DYNC1I1: variants seen among roughly 807,000 people sequenced by gnomAD.
DYNC1I1 encodes dynein cytoplasmic 1 intermediate chain 1.
A neutral mutation model predicts 86.6 loss-of-function variants in DYNC1I1; 43 were observed. That is an observed-to-expected ratio of 0.50 (90% CI 0.39 to 0.64). The LOEUF (loss-of-function observed/expected upper bound fraction) is 0.64. Among genes scored for constraint, DYNC1I1 ranks in the 30% least tolerant of loss-of-function variants. The pLI, the probability that DYNC1I1 is intolerant of heterozygous loss-of-function variation, is 0.00. For missense variants in DYNC1I1, 604 were observed against 788.8 expected (o/e 0.77, Z 2.81); for synonymous variants, 262 against 283.7 (o/e 0.92, Z 0.77).
At chr7:96,063,021 G>A (rs758765904) in intron 14 of DYNC1I1, among the ~76,000 whole-genome samples, 8 of 151,880 alleles carry the variant, frequency 5.3e-5, no homozygotes, top group Non-Finnish European at 7.4e-5. Flanking sequence ...AGAACTATGA[G>A]TATGACTTAA....
intron 4 of DYNC1I1, chr7:95,818,747 A>G (rs1584250832): frequency 2.4e-6 from 1 of 418,842 alleles, no homozygotes; most frequent in East Asian, 3.3e-5. Flanking sequence ...TGTTTCCACC[A>G]CCAGAGTAGC....
chr7:95,877,318 A>G (rs939467529), intron 6 of DYNC1I1, among the ~76,000 whole-genome samples: 3 of 152,216 alleles, frequency 2.0e-5, no homozygotes, highest in Admixed American at 1.3e-4. Flanking sequence ...ATGGGACCCC[A>G]ACTGTCTTCT....
At chr7:96,023,431 C>T (rs1402062148) in intron 10 of DYNC1I1, among the ~76,000 whole-genome samples, 2 of 152,120 alleles carry the variant, frequency 1.3e-5, no homozygotes, top group Non-Finnish European at 2.9e-5. Flanking sequence ...CAGGAATGAC[C>T]AAAGGTTGTT....
At chr7:95,985,011 C>T (rs746524561) in intron 8 of DYNC1I1, 34 bp downstream of exon 8, 7 of 1,596,828 alleles carry the variant, frequency 4.4e-6, no homozygotes, top group South Asian at 2.3e-5. Context: ...TAAAAAATAG[C>T]GTAAGTTATC....
At chr7:95,962,529 A>G (rs1284352346) in intron 6 of DYNC1I1, among the ~76,000 whole-genome samples, 2 of 152,046 alleles carry the variant, frequency 1.3e-5, no homozygotes, top group Non-Finnish European at 1.5e-5. Flanking sequence ...GGGCCACTGG[A>G]CACCAAGAAG....
At chr7:96,053,590 G>A (rs1789470606) in intron 14 of DYNC1I1, among the ~76,000 whole-genome samples, 1 of 151,626 alleles carries the variant, frequency 6.6e-6, no homozygotes, top group Non-Finnish European at 1.5e-5. Flanking sequence ...TCTTGAAAGG[G>A]ATTTAAAAGT....
At chr7:95,961,030 A>T in intron 6 of DYNC1I1, among the ~76,000 whole-genome samples, 1 of 152,262 alleles carries the variant, frequency 6.6e-6, no homozygotes, top group Non-Finnish European at 1.5e-5. Flanking sequence ...GTATAATCTA[A>T]TGATGTCATG....
intron 14 of DYNC1I1, among the ~76,000 whole-genome samples, chr7:96,072,196 G>A (rs193198669): frequency 4.7e-4 from 71 of 152,258 alleles, no homozygotes; most frequent in Non-Finnish European, 6.3e-4. Context: ...GTGACCGGTA[G>A]CCCGCTTCTC....
intron 16 of DYNC1I1, among the ~76,000 whole-genome samples, chr7:96,095,874 G>C (rs1790988433): frequency 6.6e-6 from 1 of 152,220 alleles, no homozygotes; most frequent in South Asian, 2.1e-4. Context: ...AGAGTCCAAA[G>C]TAGGGAAAAC....
chr7:96,048,658 G>A (rs982564201), intron 14 of DYNC1I1, among the ~76,000 whole-genome samples: 2 of 152,184 alleles, frequency 1.3e-5, no homozygotes, highest in Non-Finnish European at 2.9e-5. Flanking sequence ...GGGCAGTTCA[G>A]TTACATTGAG....
At chr7:95,805,651 A>G (rs1375332443) in intron 2 of DYNC1I1, among the ~76,000 whole-genome samples, 1 of 152,164 alleles carries the variant, frequency 6.6e-6, no homozygotes, top group Admixed American at 6.6e-5. Flanking sequence ...CAAACAAATA[A>G]TTTATTTTTA....
At chr7:95,780,130 A>G (rs765527477) in intron 1 of DYNC1I1, among the ~76,000 whole-genome samples, 11 of 152,228 alleles carry the variant, frequency 7.2e-5, no homozygotes, top group Non-Finnish European at 1.6e-4. Context: ...TACCAGGTTT[A>G]TATTTTATTC....
At chr7:95,816,403 C>T (rs1431037800) in intron 4 of DYNC1I1, among the ~76,000 whole-genome samples, 2 of 152,254 alleles carry the variant, frequency 1.3e-5, no homozygotes, top group East Asian at 1.9e-4. Flanking sequence ...TTCAGTTATA[C>T]TAATGATTTA....
At chr7:95,773,756 G>A (rs1467768054) in intron 1 of DYNC1I1, among the ~76,000 whole-genome samples, 2 of 152,132 alleles carry the variant, frequency 1.3e-5, no homozygotes, top group African/African-American at 2.4e-5. Flanking sequence ...TTCCAGATTA[G>A]CAAAAAGTAT....
intron 1 of DYNC1I1, among the ~76,000 whole-genome samples, chr7:95,783,744 A>G (rs1392469615): frequency 6.6e-6 from 1 of 152,144 alleles, no homozygotes; most frequent in Non-Finnish European, 1.5e-5. Context: ...AAAAAATGTG[A>G]TTATGATTAA....
chr7:95,789,075 T>C (rs1036511480), intron 1 of DYNC1I1, among the ~76,000 whole-genome samples: 1 of 152,214 alleles, frequency 6.6e-6, no homozygotes, highest in East Asian at 1.9e-4. Context: ...TAAAAAGTCT[T>C]GAATTTAAAA....
At chr7:96,043,024 G>A (rs530015150) in intron 14 of DYNC1I1, among the ~76,000 whole-genome samples, 2 of 151,892 alleles carry the variant, frequency 1.3e-5, no homozygotes, top group Admixed American at 1.3e-4. Flanking sequence ...GCTGGGCGTG[G>A]TGGGGTCTGC....
At chr7:95,853,980 T>C (rs1404148676) in intron 5 of DYNC1I1, among the ~76,000 whole-genome samples, 1 of 152,178 alleles carries the variant, frequency 6.6e-6, no homozygotes, top group African/African-American at 2.4e-5. Flanking sequence ...CCTCCCTCTT[T>C]TGGTTTATAT....
At chr7:95,893,901 A>G (rs1438975453) in intron 6 of DYNC1I1, among the ~76,000 whole-genome samples, 2 of 152,194 alleles carry the variant, frequency 1.3e-5, no homozygotes, top group Non-Finnish European at 2.9e-5. Flanking sequence ...TTGGGTTTGG[A>G]ATCTCTTTGC....
Sources: allele counts gnomAD v4.1 joint callset (sites outside exome capture counted in the v4.1 genomes callset), GRCh38; gene constraint gnomAD v4.1.1; transcripts MANE v1.5; gene names NCBI Gene and HGNC (gene_info 2026-07-23, HGNC 2026-07-21).